PIP4K2A: variants seen among roughly 807,000 people sequenced by gnomAD.
PIP4K2A encodes phosphatidylinositol-5-phosphate 4-kinase type 2 alpha.
A neutral mutation model predicts 42.9 loss-of-function variants in PIP4K2A; 14 were observed. The observed-to-expected ratio is 0.33, with a 90% CI of 0.22 to 0.51. The LOEUF is 0.51. Among genes scored for constraint, PIP4K2A ranks in the 20% least tolerant of loss-of-function variants. PIP4K2A has a pLI of 0.97. For synonymous variants in PIP4K2A, 192 were observed against 192.2 expected (o/e 1.00, Z 0.01); for missense variants, 434 against 519.8 (o/e 0.83, Z 1.61).
chr10:22,667,575 CGT>C, intron 1 of PIP4K2A, among the ~76,000 whole-genome samples: 1 of 152,228 alleles, frequency 6.6e-6, no homozygotes, highest in African/African-American at 2.4e-5. Context: ...TAACAAATGA[CGT>C]GCTTCTCATG....
chr10:22,626,968 C>G (rs1278528977), intron 1 of PIP4K2A, among the ~76,000 whole-genome samples: 2 of 152,084 alleles, frequency 1.3e-5, no homozygotes, highest in African/African-American at 4.8e-5. Context: ...GAGAACAAAA[C>G]TGCTACTAGT....
At chr10:22,709,071 G>A (rs79875952) in intron 1 of PIP4K2A, among the ~76,000 whole-genome samples, 4 of 151,170 alleles carry the variant, frequency 2.6e-5, no homozygotes, top group African/African-American at 9.7e-5. Context: ...ACATGCATGA[G>A]CCACCTACCC....
intron 3 of PIP4K2A, among the ~76,000 whole-genome samples, chr10:22,595,773 A>G (rs1363914215): frequency 6.6e-6 from 1 of 152,220 alleles, no homozygotes; most frequent in Non-Finnish European, 1.5e-5. Flanking sequence ...TCTGAGATCT[A>G]GAACATTCAT....
chr10:22,582,776 T>G (rs1323742451), intron 4 of PIP4K2A, among the ~76,000 whole-genome samples: 3 of 151,308 alleles, frequency 2.0e-5, no homozygotes, highest in Non-Finnish European at 4.4e-5. Flanking sequence ...TGGTGTACAA[T>G]GACCAAATAA....
intron 1 of PIP4K2A, among the ~76,000 whole-genome samples, chr10:22,713,049 C>A (rs1445447513): frequency 1.3e-5 from 2 of 152,104 alleles, no homozygotes; most frequent in Admixed American, 6.5e-5. Context: ...AGCGAACTTA[C>A]ACTTTTCCCC....
chr10:22,645,471 G>A lies in PIP4K2A; in HGVS notation c.145-35754C>T, dbSNP rs532292193. On this transcript the variant is annotated intron_variant, in intron 1 of 9. Transcript: ENST00000376573. ...TGAGATGGAAGCATCACTTGAGCCT[G>A]GGAGTTTCAGGTTGCAATGAGATAC... Among the ~76,000 whole-genome samples, 3 of 151,650 alleles carry A rather than the reference G, an allele frequency of 2.0e-5. No homozygotes were observed. In the South Asian group the frequency reaches 6.3e-4, roughly 32 times the overall value.
chr10:22,567,267 A>C (rs1007865765), intron 6 of PIP4K2A, among the ~76,000 whole-genome samples: 2 of 152,228 alleles, frequency 1.3e-5, no homozygotes, highest in African/African-American at 2.4e-5. Flanking sequence ...TTGCACAGTA[A>C]ACTAAATGTG....
At chr10:22,579,335 T>C (rs1045066060) in intron 4 of PIP4K2A, among the ~76,000 whole-genome samples, 4 of 152,164 alleles carry the variant, frequency 2.6e-5, no homozygotes, top group Non-Finnish European at 5.9e-5. Context: ...CCTAGTGATA[T>C]CAATCTGTCA....
intron 3 of PIP4K2A, among the ~76,000 whole-genome samples, chr10:22,601,167 A>AAAAAAC (rs1837765779): frequency 8.0e-6 from 1 of 124,676 alleles, no homozygotes; most frequent in Non-Finnish European, 1.7e-5. Context: ...AAAAAAACAA[A>AAAAAAC]CCAGGAACAT....
intron 1 of PIP4K2A, among the ~76,000 whole-genome samples, chr10:22,678,830 A>T (rs1265576729): frequency 6.6e-6 from 1 of 152,254 alleles, no homozygotes; most frequent in African/African-American, 2.4e-5. Flanking sequence ...GGTTATGTCT[A>T]TCAATAGGAA....
At chr10:22,542,406 G>A (rs971307963) in intron 7 of PIP4K2A, among the ~76,000 whole-genome samples, 3 of 152,270 alleles carry the variant, frequency 2.0e-5, no homozygotes, top group Middle Eastern at 3.4e-3. Context: ...GATTAAGACT[G>A]GCTAATGGGG....
intron 8 of PIP4K2A, among the ~76,000 whole-genome samples, chr10:22,540,804 C>T (rs1014891997): frequency 3.9e-5 from 6 of 152,318 alleles, no homozygotes; most frequent in African/African-American, 9.6e-5. Context: ...ATCTGCCTGC[C>T]GCGGCCTCCC....
intron 1 of PIP4K2A, among the ~76,000 whole-genome samples, chr10:22,610,232 AAAG>A (rs1190678177): frequency 1.3e-5 from 2 of 152,176 alleles, no homozygotes; most frequent in African/African-American, 4.8e-5. Context: ...GAATTTACCA[AAAG>A]AAGAACCTCC....
intron 4 of PIP4K2A, among the ~76,000 whole-genome samples, chr10:22,590,594 A>T (rs1010068114): frequency 6.6e-6 from 1 of 152,188 alleles, no homozygotes; most frequent in Non-Finnish European, 1.5e-5. Context: ...CAGGGTGTGG[A>T]GGCTCACACC....
chr10:22,700,782 T>G (rs1405186648), intron 1 of PIP4K2A, among the ~76,000 whole-genome samples: 1 of 152,220 alleles, frequency 6.6e-6, no homozygotes. Flanking sequence ...CAAGGCTTAT[T>G]TATTACAACT....
At chr10:22,562,296 C>T (rs28666940) in intron 6 of PIP4K2A, among the ~76,000 whole-genome samples, 78,542 of 152,018 alleles carry the variant, frequency 0.52, 21,609 homozygotes, top group South Asian at 0.75. Flanking sequence ...TGCCTGTAAT[C>T]CCAGCACTTT....
At chr10:22,680,865 T>C (rs1260785597) in intron 1 of PIP4K2A, among the ~76,000 whole-genome samples, 3 of 152,166 alleles carry the variant, frequency 2.0e-5, no homozygotes, top group African/African-American at 4.8e-5. Flanking sequence ...AAGTTGTAGA[T>C]TCCAACTTGA....
chr10:22,536,981 C>T lies in PIP4K2A; in HGVS notation c.*220G>A. On this transcript the variant is annotated 3_prime_UTR_variant, in exon 10 of 10. Transcript: ENST00000376573. ...CACCCCCCCCCAACACACACACACA[C>T]ACATATACACAAAGTCAGAAATAGC... The T allele has an allele frequency of 4.4e-6, 2 of 459,180 alleles. No individual in the cohort carries two copies. The highest frequency in any genetic ancestry group is 7.9e-6 in the Non-Finnish European group (2 of 254,570). The allele number at this position is 459,180 out of a possible 1,614,324, so 28.4% of individuals were successfully genotyped here. A position where few individuals can be genotyped will look rare whatever the true frequency, so the allele number is the denominator to read the frequency against.
chr10:22,664,410 T>C (rs1225363263), intron 1 of PIP4K2A, among the ~76,000 whole-genome samples: 2 of 150,878 alleles, frequency 1.3e-5, no homozygotes, highest in Admixed American at 1.3e-4. Context: ...ATTTTTTATC[T>C]GTGGTTTTTC....
Sources: gnomAD v4.1 joint callset for allele counts (sites outside exome capture counted in the v4.1 genomes callset) on GRCh38, gnomAD v4.1.1 for gene constraint, MANE v1.5 for transcripts, NCBI Gene and HGNC (gene_info 2026-07-23, HGNC 2026-07-21) for gene names.